The following RDH12 variants were observed in gnomAD, a reference collection of about 807,000 sequenced individuals.
The protein encoded by RDH12 is retinol dehydrogenase 12.
RDH12 carries 21 observed loss-of-function variants against 34.0 expected under a neutral mutation model. The ratio of observed to expected loss-of-function variants is 0.62; its 90% CI spans 0.44 to 0.89. The LOEUF (loss-of-function observed/expected upper bound fraction) is 0.89, where lower values mean the gene tolerates loss of function less well. Among genes scored for constraint, RDH12 ranks in the 40% least tolerant of loss-of-function variants. The pLI, the probability that RDH12 is intolerant of heterozygous loss-of-function variation, is 0.00. For missense variants in RDH12, 394 were observed against 398.6 expected (o/e 0.99, Z 0.10); for synonymous variants, 198 against 169.9 (o/e 1.17, Z -1.29).
intron 8 of RDH12, among the ~76,000 whole-genome samples, chr14:67,732,536 C>CAAAAAA (rs11408156): frequency 6.1e-5 from 8 of 130,134 alleles, no homozygotes; most frequent in South Asian, 2.4e-4. Context: ...CCAAACAAAG[C>CAAAAAA]AAAAAAAAAA....
intron 1 of RDH12, among the ~76,000 whole-genome samples, chr14:67,707,743 A>T (rs966821781): frequency 1.3e-5 from 2 of 152,246 alleles, no homozygotes; most frequent in Non-Finnish European, 2.9e-5. Flanking sequence ...AGCTGAGCCC[A>T]GCCGTGGATT....
At chr14:67,710,100 G>C (rs1220102551) in intron 1 of RDH12, among the ~76,000 whole-genome samples, 1 of 152,164 alleles carries the variant, frequency 6.6e-6, no homozygotes, top group Non-Finnish European at 1.5e-5. Context: ...TTTCCAGACT[G>C]AACCAATGTA....
chr14:67,719,666 C>T (rs568266815), intron 1 of RDH12, among the ~76,000 whole-genome samples: 42 of 151,894 alleles, frequency 2.8e-4, no homozygotes, highest in African/African-American at 8.0e-4. Flanking sequence ...TTTGTAGAGA[C>T]GGGGTCTCAC....
chr14:67,726,402 G>A (rs1447493313), intron 6 of RDH12, among the ~76,000 whole-genome samples: 1 of 152,212 alleles, frequency 6.6e-6, no homozygotes, highest in Non-Finnish European at 1.5e-5. Context: ...TGTCATTCTT[G>A]GATGGGGCAG....
intron 1 of RDH12, among the ~76,000 whole-genome samples, chr14:67,711,309 A>T (rs538364731): frequency 1.3e-5 from 2 of 152,344 alleles, no homozygotes; most frequent in East Asian, 1.9e-4. Flanking sequence ...GACACCTTAT[A>T]GTGTTTGGCA....
chr14:67,726,925 T>C, intron 6 of RDH12, 56 bp from the exon 7 acceptor site: 5 of 1,529,812 alleles, frequency 3.3e-6, no homozygotes, highest in Non-Finnish European at 3.6e-6. Flanking sequence ...GGCTCCCACA[T>C]GCTGAGCCTG....
intron 1 of RDH12, among the ~76,000 whole-genome samples, chr14:67,708,245 T>A (rs1165731632): frequency 6.6e-6 from 1 of 152,160 alleles, no homozygotes; most frequent in East Asian, 1.9e-4. Flanking sequence ...ATCAGCAACG[T>A]TTTAAGCAAA....
intron 1 of RDH12, among the ~76,000 whole-genome samples, chr14:67,703,153 G>T (rs2037918033): frequency 6.6e-6 from 1 of 152,066 alleles, no homozygotes; most frequent in South Asian, 2.1e-4. Flanking sequence ...TTAGTCATGA[G>T]ATAGTAATAC....
rs1351175348 is a variant in RDH12 at position 67,727,096 on chromosome 14, C to T, written c.564C>T (p.Leu188=). ...HHIGKIPFHD[L]QSEKRYSRGF... ...TTGGCAAGATTCCCTTCCACGACCT[C>T]CAGAGCGAGAAGCGCTACAGCAGGG... is the stretch of plus-strand genomic sequence containing the variant. Residue 188 remains leucine, a synonymous_variant, in exon 7 of 9, where the codon CTC becomes CTT. Coordinates refer to ENST00000551171, the MANE Select transcript of RDH12 (RefSeq NM_152443.3). 1 of 1,614,214 alleles carries T rather than the reference C, an allele frequency of 6.2e-7. No homozygotes were observed. The highest frequency in any genetic ancestry group is 2.2e-5 in the East Asian group (1 of 44,888).
rs1359945679 is a variant in RDH12 at position 67,725,121 on chromosome 14, C to T, written c.210C>T (p.Cys70=). Residue 70 remains cysteine (C), a synonymous_variant, in exon 5 of 9, where the codon TGC becomes TGT. Coordinates refer to ENST00000551171, the MANE Select transcript of RDH12 (RefSeq NM_152443.3). ...ASRGARVYIA[C]RDVLKGESAA... ...CAGGAGCCCGAGTCTATATTGCCTG[C>T]AGAGATGTACTGAAGGGGGAGTCTG... 1 of 1,614,030 alleles carries T rather than the reference C, an allele frequency of 6.2e-7. No individual in the cohort carries two copies. Among genetic ancestry groups the T allele is most frequent in the African/African-American group, 1.3e-5 (1 of 74,896 alleles).
At chr14:67,726,636 G>A (rs973555103) in intron 6 of RDH12, among the ~76,000 whole-genome samples, 1 of 152,298 alleles carries the variant, frequency 6.6e-6, no homozygotes, top group Admixed American at 6.5e-5. Context: ...CTAAGCAAAT[G>A]TTATCTTCCC....
intron 7 of RDH12, among the ~76,000 whole-genome samples, chr14:67,728,700 T>TTA (rs2038223048): frequency 1.6e-5 from 1 of 64,432 alleles, no homozygotes; most frequent in Admixed American, 1.6e-4. Context: ...CAGGGATATC[T>TTA]TGTGGGGGGG....
At position 67,724,568 on chromosome 14, in the gene RDH12, C is replaced by T. The variant is rs766631462; in HGVS notation, c.164C>T (p.Thr55Met). 44 of 1,613,550 alleles carry T rather than the reference C, an allele frequency of 2.7e-5. No homozygotes were observed. The highest frequency in any genetic ancestry group is 6.7e-5 in the East Asian group (3 of 44,864). The change falls in exon 4 of 9, where the codon ACG becomes ATG. Residue 55 changes from threonine (T) to methionine (M), a missense_variant. Coordinates refer to ENST00000551171, the MANE Select transcript of RDH12 (RefSeq NM_152443.3). The stretch of plus-strand genomic sequence containing the variant: ...GCCAACACGGGCATTGGCAAGGAGA[C>T]GGCCAGAGAGCTCGCTAGCCGAGGT... ...TGANTGIGKE[T>M]ARELASRGAR...
At chr14:67,712,666 A>G (rs1014044939) in intron 1 of RDH12, among the ~76,000 whole-genome samples, 4 of 152,158 alleles carry the variant, frequency 2.6e-5, no homozygotes, top group African/African-American at 9.6e-5. Flanking sequence ...ACTATATTTC[A>G]TCTAGGACAA....
chr14:67,727,470 CT>C, intron 7 of RDH12: 1 of 298,260 alleles, frequency 3.4e-6, no homozygotes, highest in Non-Finnish European at 6.5e-6. Context: ...CAGACAGAGG[CT>C]TTTTGTTTTT....
intron 1 of RDH12, among the ~76,000 whole-genome samples, chr14:67,703,368 G>C (rs1594857459): frequency 6.6e-6 from 1 of 152,270 alleles, no homozygotes; most frequent in Non-Finnish European, 1.5e-5. Flanking sequence ...TGAGTTTAGA[G>C]TTAGGTTTTT....
chr14:67,717,746 T>A (rs1361671347), intron 1 of RDH12: 1 of 152,228 alleles, frequency 6.6e-6, no homozygotes, highest in African/African-American at 2.4e-5. Context: ...GAACAGCCAC[T>A]CACAGGAAAG....
intron 8 of RDH12, among the ~76,000 whole-genome samples, chr14:67,730,460 T>C (rs927858719): frequency 6.6e-6 from 1 of 152,226 alleles, no homozygotes; most frequent in Non-Finnish European, 1.5e-5. Flanking sequence ...AGCATTTCCT[T>C]TGAGTTGCAT....
intron 8 of RDH12, among the ~76,000 whole-genome samples, chr14:67,733,199 C>T (rs899228150): frequency 6.6e-6 from 1 of 152,090 alleles, no homozygotes; most frequent in Non-Finnish European, 1.5e-5. Context: ...CTCTAGTCCT[C>T]AGGGCCCCTG....
Sources: gnomAD v4.1 joint callset for allele counts (sites outside exome capture counted in the v4.1 genomes callset) on GRCh38, gnomAD v4.1.1 for gene constraint, MANE v1.5 for transcripts, NCBI Gene and HGNC (gene_info 2026-07-23, HGNC 2026-07-21) for gene names.